Variants in MEGF10 observed in about 807,000 individuals in gnomAD.
MEGF10 encodes multiple EGF like domains 10.
In MEGF10, 86 loss-of-function variants were observed where a neutral mutation model predicts 147.5. That is an observed-to-expected ratio of 0.58 (90% CI 0.49 to 0.70). MEGF10 has a LOEUF of 0.70. Among genes scored for constraint, MEGF10 ranks in the 30% least tolerant of loss-of-function variants. The probability of loss-of-function intolerance (pLI) is 0.00; values close to 1 mark genes in which losing one functional copy is unlikely to be tolerated. For synonymous variants in MEGF10, 478 were observed against 525.5 expected (o/e 0.91, Z 1.24); for missense variants, 1,329 against 1,487.3 (o/e 0.89, Z 1.75).
intron 4 of MEGF10, among the ~76,000 whole-genome samples, chr5:127,358,464 G>A (rs193002866): frequency 1.2e-4 from 18 of 152,246 alleles, no homozygotes; most frequent in African/African-American, 4.1e-4. Context: ...GAAATGCCAT[G>A]TGGTGGAAAA....
chr5:127,440,804 T>C lies in MEGF10; in HGVS notation c.2299T>C (p.Cys767Arg). ...LICQCQNGADCDHISGQCTCR... is the reference protein window; with the variant it reads ...LICQCQNGADRDHISGQCTCR... ...ATGCCAATGTCAAAACGGAGCTGAC[T>C]GCGACCACATTTCTGGGCAGTGTAC... The change falls in exon 18 of 25, where the codon TGC (cysteine) becomes CGC (arginine). Residue 767 changes from cysteine to arginine, a missense_variant. Physicochemically the swap from Cys to Arg is radical, Grantham distance 180. This residue lies in a region of MEGF10 where 980 missense variants were observed against 1,085.9 expected (regional missense o/e 0.90). Coordinates refer to ENST00000503335, the MANE Select transcript of MEGF10 (RefSeq NM_001256545.2). The C allele has an allele frequency of 1.2e-6, 2 of 1,614,186 alleles. No individual in the cohort carries two copies. The highest frequency in any genetic ancestry group is 1.7e-6 in the Non-Finnish European group (2 of 1,179,994).
At chr5:127,372,268 A>G (rs1380512798) in intron 5 of MEGF10, among the ~76,000 whole-genome samples, 1 of 152,260 alleles carries the variant, frequency 6.6e-6, no homozygotes, top group Non-Finnish European at 1.5e-5. Context: ...ATTAGGAGAT[A>G]GAAACCACAG....
intron 14 of MEGF10, 131 bp downstream of exon 14, chr5:127,433,640 G>A (rs1267304683): frequency 1.8e-6 from 2 of 1,105,200 alleles, no homozygotes; most frequent in Non-Finnish European, 2.5e-6. Flanking sequence ...AGAGTGTAAT[G>A]GTTCACTTGT....
upstream of MEGF10, among the ~76,000 whole-genome samples, chr5:127,289,023 T>TC (rs1408880653): frequency 1.3e-5 from 2 of 152,048 alleles, no homozygotes; most frequent in Non-Finnish European, 2.9e-5. Context: ...AAAAGACAAA[T>TC]CTAATCTGTA....
At chr5:127,237,535 A>G in the MEGF10 span, among the ~76,000 whole-genome samples, 4 of 152,254 alleles carry the variant, frequency 2.6e-5, no homozygotes, top group African/African-American at 9.6e-5. Context: ...AAATGGTGGG[A>G]CTTCATTGAA....
rs527614690 is a variant in MEGF10, at chr5:127,337,080, A to G, written c.117-2040A>G. On this transcript the variant is annotated intron_variant, in intron 2 of 24. Coordinates refer to ENST00000503335, the MANE Select transcript of MEGF10 (RefSeq NM_001256545.2). The stretch of plus-strand genomic sequence containing the variant: ...GGGCGCAAAATTTGAGGACGGCCAT[A>G]CAGAAAACAGACTTCAAAGGAATGG... 3.9e-5 allele frequency among the ~76,000 whole-genome samples: 6 copies of G among 152,276 alleles called. No individual in the cohort carries two copies. In the East Asian group the frequency reaches 1.2e-3, roughly 29 times the overall value.
intron 4 of MEGF10, among the ~76,000 whole-genome samples, chr5:127,365,094 A>G (rs896435290): frequency 5.3e-5 from 8 of 152,212 alleles, no homozygotes; most frequent in Non-Finnish European, 1.0e-4. Context: ...TTTGTGACTT[A>G]CACTCTTTGC....
At chr5:127,298,201 C>T (rs1580676549) in intron 1 of MEGF10, among the ~76,000 whole-genome samples, 1 of 152,172 alleles carries the variant, frequency 6.6e-6, no homozygotes. Flanking sequence ...TTTCTGAAGG[C>T]TACCACCTCC....
At chr5:127,295,737 T>C (rs868704937) in intron 1 of MEGF10, among the ~76,000 whole-genome samples, 32 of 152,212 alleles carry the variant, frequency 2.1e-4, no homozygotes, top group Admixed American at 1.2e-3. Flanking sequence ...AATATCCACA[T>C]TGATGGACTT....
chr5:127,275,592 A>G, the MEGF10 span, among the ~76,000 whole-genome samples: 1 of 152,206 alleles, frequency 6.6e-6, no homozygotes, highest in African/African-American at 2.4e-5. Context: ...TTCGAAGATC[A>G]TGTGAATTTA....
intron 4 of MEGF10, among the ~76,000 whole-genome samples, chr5:127,366,563 C>A (rs1224996923): frequency 3.9e-5 from 6 of 152,204 alleles, no homozygotes; most frequent in African/African-American, 1.4e-4. Flanking sequence ...AGCAGATTCC[C>A]CCTTCCAATT....
At chr5:127,327,698 T>C (rs930855630) in intron 1 of MEGF10, among the ~76,000 whole-genome samples, 1 of 126,576 alleles carries the variant, frequency 7.9e-6, no homozygotes, top group Admixed American at 9.1e-5. Flanking sequence ...GCTGCTTTTT[T>C]CTTTTCTTTT....
chr5:127,304,627 G>T (rs1044576374), intron 1 of MEGF10, among the ~76,000 whole-genome samples: 3 of 152,182 alleles, frequency 2.0e-5, no homozygotes, highest in African/African-American at 7.2e-5. Flanking sequence ...CCAGGTAGCT[G>T]GGACTACAGG....
At chr5:127,381,821 C>T (rs928795324) in intron 5 of MEGF10, among the ~76,000 whole-genome samples, 7 of 152,180 alleles carry the variant, frequency 4.6e-5, no homozygotes, top group African/African-American at 1.4e-4. Flanking sequence ...CAGGAGCCCA[C>T]CACCATGCTC....
intron 9 of MEGF10, among the ~76,000 whole-genome samples, chr5:127,414,274 A>G (rs1178115754): frequency 6.6e-6 from 1 of 152,094 alleles, no homozygotes; most frequent in Non-Finnish European, 1.5e-5. Context: ...CCTGGGTTCA[A>G]GTTTGATTCT....
At chr5:127,422,078 T>G (rs961140288) in intron 12 of MEGF10, among the ~76,000 whole-genome samples, 3 of 151,646 alleles carry the variant, frequency 2.0e-5, no homozygotes, top group African/African-American at 7.3e-5. Context: ...TTTAAAAAAT[T>G]TTTAAAGTGT....
the MEGF10 span, among the ~76,000 whole-genome samples, chr5:127,241,787 C>T: frequency 6.6e-6 from 1 of 151,984 alleles, no homozygotes; most frequent in Non-Finnish European, 1.5e-5. Context: ...AGTTTTGGTA[C>T]ATTAGGGTGT....
chr5:127,430,336 T>C (rs1421984997), intron 13 of MEGF10, among the ~76,000 whole-genome samples: 2 of 152,074 alleles, frequency 1.3e-5, no homozygotes, highest in Non-Finnish European at 2.9e-5. Flanking sequence ...TAAGAGGAGA[T>C]AAATATAAAT....
chr5:127,277,609 A>T, the MEGF10 span, among the ~76,000 whole-genome samples: 3 of 152,318 alleles, frequency 2.0e-5, no homozygotes, highest in African/African-American at 7.2e-5. Flanking sequence ...TGTTTTAACA[A>T]GATAACTTTA....
Sources: gnomAD v4.1 joint callset for allele counts (sites outside exome capture counted in the v4.1 genomes callset) on GRCh38, gnomAD v4.1.1 for gene constraint, gnomAD v4.1.1 regional missense constraint, MANE v1.5 for transcripts, NCBI Gene and HGNC (gene_info 2026-07-23, HGNC 2026-07-21) for gene names.